The following ECPAS variants were observed in gnomAD, a reference collection of about 807,000 sequenced individuals.
ECPAS encodes the protein Ecm29 proteasome adaptor and scaffold.
ECPAS carries 70 observed loss-of-function variants against 255.1 expected under a neutral mutation model. The ratio of observed to expected loss-of-function variants is 0.27; its 90% CI spans 0.23 to 0.33. The LOEUF (loss-of-function observed/expected upper bound fraction) is 0.33, where lower values mean the gene tolerates loss of function less well. Ranked by LOEUF, ECPAS falls within the 10% of genes least tolerant of loss-of-function variation. The probability of loss-of-function intolerance (pLI) is 1.00; values close to 1 mark genes in which losing one functional copy is unlikely to be tolerated. For missense variants in ECPAS, 1,817 were observed against 2,206.4 expected (o/e 0.82, Z 3.54); for synonymous variants, 784 against 775.0 (o/e 1.01, Z -0.19).
intron 6 of ECPAS, among the ~76,000 whole-genome samples, chr9:111,440,137 T>G (rs764527230): frequency 1.2e-4 from 18 of 152,042 alleles, no homozygotes; most frequent in Non-Finnish European, 1.9e-4. Context: ...ACTATTTTTA[T>G]GGGGAAAGAC....
intron 9 of ECPAS, 91 bp downstream of exon 9, chr9:111,430,456 T>C (rs1589188569): frequency 1.2e-6 from 1 of 813,344 alleles, no homozygotes; most frequent in African/African-American, 1.7e-5. Context: ...AGATTCAGCT[T>C]AAATGAAACT....
At chr9:111,434,481 T>C (rs945887555) in intron 7 of ECPAS, among the ~76,000 whole-genome samples, 1 of 152,012 alleles carries the variant, frequency 6.6e-6, no homozygotes, top group Admixed American at 6.6e-5. Context: ...AATAATGTAT[T>C]ACATGACAAG....
At chr9:111,424,554 G>A (rs1390953906) in intron 12 of ECPAS, among the ~76,000 whole-genome samples, 1 of 75,600 alleles carries the variant, frequency 1.3e-5, no homozygotes, top group Non-Finnish European at 2.5e-5. Flanking sequence ...AGATATTATA[G>A]TAAGAGAAAT....
rs570249152 is a variant in ECPAS at position 111,446,883 on chromosome 9, C to T, written c.154-2389G>A. Among the ~76,000 whole-genome samples, 3 of 152,300 alleles carry T rather than the reference C, an allele frequency of 2.0e-5. No homozygotes were observed. The South Asian group carries it at 6.2e-4, about 32-fold the overall frequency. ...GTTTGTCAGTGAGACATGATACCTT[C>T]CAAGAAGCTAGAAACTTGCATTGTC... On this transcript the variant is annotated intron_variant, in intron 3 of 49. Transcript: ENST00000684092.
chr9:111,388,779 A>G (rs908972733), intron 31 of ECPAS, among the ~76,000 whole-genome samples: 6 of 152,190 alleles, frequency 3.9e-5, no homozygotes, highest in Admixed American at 1.3e-4. Flanking sequence ...ACTAGATTCA[A>G]TTGGGGGTGG....
intron 36 of ECPAS, among the ~76,000 whole-genome samples, 176 bp from the exon 37 acceptor site, chr9:111,376,717 A>G (rs1469264817): frequency 6.6e-6 from 1 of 152,216 alleles, no homozygotes. Flanking sequence ...TACACTCAAC[A>G]ATTTACCAGG....
chr9:111,387,143 GT>G (rs1322446484), intron 31 of ECPAS, among the ~76,000 whole-genome samples: 3 of 152,150 alleles, frequency 2.0e-5, no homozygotes, highest in Non-Finnish European at 4.4e-5. Flanking sequence ...CATCAGTGCA[GT>G]TATTGAGGGA....
At chr9:111,481,449 T>C (rs2098305069) in intron 1 of ECPAS, among the ~76,000 whole-genome samples, 1 of 151,594 alleles carries the variant, frequency 6.6e-6, no homozygotes, top group Non-Finnish European at 1.5e-5. Context: ...GAGCTTACAG[T>C]GAGCGGAGAT....
At position 111,421,903 on chromosome 9, in the gene ECPAS, T is replaced by C. The variant is rs1391147013; in HGVS notation, c.1455+18A>G. ...TAAACCGTATACTACCCAGGCTTTG[T>C]AGTTCACACGGACCTACCTTTATTA... On this transcript the variant is annotated intron_variant, in intron 15 of 49. Transcript: ENST00000684092. 2 of 1,610,194 alleles carry C rather than the reference T, an allele frequency of 1.2e-6. No homozygotes were observed. The highest frequency in any genetic ancestry group is 3.4e-5 in the Admixed American group (2 of 59,086).
intron 6 of ECPAS, among the ~76,000 whole-genome samples, chr9:111,439,221 A>G (rs1335238065): frequency 1.3e-5 from 2 of 152,202 alleles, no homozygotes; most frequent in African/African-American, 4.8e-5. Flanking sequence ...TTTGTCAGAG[A>G]CAAACGGAGT....
In ECPAS at chr9:111,361,660, G is replaced by C. The variant is rs1409950273; in HGVS notation, c.*370C>G. The C allele has an allele frequency of 6.4e-5, 10 of 156,672 alleles. No individual in the cohort carries two copies. In the East Asian group the frequency reaches 1.9e-3, roughly 29 times the overall value. The allele number at this position is 156,672 out of a possible 1,614,324, so 9.7% of individuals were successfully genotyped here. ...GGGAGGTTAAAATAAGTTATTTATA[G>C]GGCCCCTTCCTGAAATAACTAATTT... On this transcript the variant is annotated 3_prime_UTR_variant, in exon 50 of 50. Transcript: ENST00000684092.
intron 9 of ECPAS, among the ~76,000 whole-genome samples, chr9:111,429,096 A>G (rs995278731): frequency 6.6e-6 from 1 of 152,146 alleles, no homozygotes; most frequent in African/African-American, 2.4e-5. Context: ...TTGCCAATAA[A>G]TCATGTTGTT....
intron 4 of ECPAS, 78 bp from the exon 5 acceptor site, chr9:111,442,502 TAG>T (rs1589206489): frequency 7.8e-6 from 7 of 898,338 alleles, no homozygotes; most frequent in South Asian, 4.6e-5. Context: ...ATTGATAACT[TAG>T]AGAGTTATGG....
chr9:111,375,915 A>G (rs1375895194), intron 37 of ECPAS, among the ~76,000 whole-genome samples: 1 of 152,208 alleles, frequency 6.6e-6, no homozygotes, highest in Non-Finnish European at 1.5e-5. Flanking sequence ...ACTAATTTCC[A>G]GTAAACACAA....
At chr9:111,430,804 G>C (rs1048610671) in intron 8 of ECPAS, among the ~76,000 whole-genome samples, 176 bp from the exon 9 acceptor site, 7 of 152,222 alleles carry the variant, frequency 4.6e-5, no homozygotes, top group African/African-American at 1.7e-4. Flanking sequence ...TTCTATCAAA[G>C]TATGTTTTTA....
intron 18 of ECPAS, among the ~76,000 whole-genome samples, chr9:111,416,035 C>T (rs1343212363): frequency 2.0e-5 from 3 of 152,150 alleles, no homozygotes; most frequent in African/African-American, 7.2e-5. Flanking sequence ...TACAGAACAT[C>T]CAGTTTTTTC....
chr9:111,414,755 C>A, intron 18 of ECPAS, 104 bp from the exon 19 acceptor site: 1 of 979,286 alleles, frequency 1.0e-6, no homozygotes, highest in Non-Finnish European at 1.5e-6. Context: ...ACCCACACTT[C>A]TTTATAAAGC....
intron 2 of ECPAS, 40 bp from the exon 3 acceptor site, chr9:111,451,595 C>G: frequency 6.7e-7 from 1 of 1,501,338 alleles, no homozygotes; most frequent in Non-Finnish European, 8.8e-7. Flanking sequence ...CTTAGCAAGC[C>G]AAACACAACC....
chr9:111,479,268 G>A (rs1184554895), intron 1 of ECPAS, among the ~76,000 whole-genome samples: 2 of 152,162 alleles, frequency 1.3e-5, no homozygotes, highest in Non-Finnish European at 2.9e-5. Flanking sequence ...AAAAAAGATG[G>A]AGTAATAAGT....
Sources: gnomAD v4.1 joint callset for allele counts (sites outside exome capture counted in the v4.1 genomes callset) on GRCh38, gnomAD v4.1.1 for gene constraint, MANE v1.5 for transcripts, NCBI Gene and HGNC (gene_info 2026-07-23, HGNC 2026-07-21) for gene names.